SEMA6D: variants seen among roughly 807,000 people sequenced by gnomAD.
SEMA6D encodes the protein semaphorin 6D.
SEMA6D carries 35 observed loss-of-function variants against 106.6 expected under a neutral mutation model. The observed-to-expected ratio is 0.33, with a 90% CI of 0.25 to 0.44. SEMA6D has a LOEUF of 0.44. Among genes scored for constraint, SEMA6D ranks in the 20% least tolerant of loss-of-function variants. The probability of loss-of-function intolerance (pLI) is 1.00; values close to 1 mark genes in which losing one functional copy is unlikely to be tolerated. For synonymous variants in SEMA6D, 499 were observed against 487.7 expected (o/e 1.02, Z -0.31); for missense variants, 1,185 against 1,345.9 (o/e 0.88, Z 1.87).
At chr15:47,730,845 C>T (rs1296516278) in intron 1 of SEMA6D, 19 of 1,362,308 alleles carry the variant, frequency 1.4e-5, no homozygotes, top group Admixed American at 8.4e-5. Flanking sequence ...TTTGCTCAAA[C>T]GGGATTCACC....
At chr15:47,209,153 C>T (rs1387661917) in intron 1 of SEMA6D, among the ~76,000 whole-genome samples, 1 of 152,004 alleles carries the variant, frequency 6.6e-6, no homozygotes, top group African/African-American at 2.4e-5. Flanking sequence ...TAAAATAATA[C>T]ATGGGGAATA....
At chr15:47,402,572 T>C (rs926000153) in intron 1 of SEMA6D, among the ~76,000 whole-genome samples, 10 of 152,174 alleles carry the variant, frequency 6.6e-5, no homozygotes, top group Non-Finnish European at 4.4e-5. Flanking sequence ...TTGGGGCGCT[T>C]TCAGGTTCTC....
rs181992479 is a variant in SEMA6D at position 47,523,894 on chromosome 15, C to T, written c.-87+53349C>T. Among the ~76,000 whole-genome samples, 347 of 152,280 alleles carry T rather than the reference C, an allele frequency of 2.3e-3. 2 individuals carry two copies. Among genetic ancestry groups the T allele is most frequent in the African/African-American group, 8.0e-3 (331 of 41,548 alleles). On this transcript the variant is annotated intron_variant, in intron 3 of 19. Transcript: ENST00000558014. ...CATCATTATGTGGTAACTCAGAACT[C>T]CAGTGGCACATTATCAGAGCTGACT...
chr15:47,247,462 A>G (rs915130085), intron 1 of SEMA6D, among the ~76,000 whole-genome samples: 4 of 152,234 alleles, frequency 2.6e-5, no homozygotes, highest in African/African-American at 9.6e-5. Flanking sequence ...TTAAATGGCA[A>G]TCATGCTCAT....
intron 1 of SEMA6D, among the ~76,000 whole-genome samples, chr15:47,281,744 C>A (rs996969667): frequency 1.3e-5 from 2 of 151,988 alleles, no homozygotes; most frequent in African/African-American, 4.8e-5. Flanking sequence ...CGATGGAAAA[C>A]CAAAATATTC....
intron 1 of SEMA6D, among the ~76,000 whole-genome samples, chr15:47,742,100 C>T (rs1043971974): frequency 6.6e-6 from 1 of 152,112 alleles, no homozygotes; most frequent in Non-Finnish European, 1.5e-5. Flanking sequence ...GCTGGCCACT[C>T]GCAGAGGAAC....
chr15:47,406,413 C>G (rs2040570210), intron 1 of SEMA6D, among the ~76,000 whole-genome samples: 2 of 152,146 alleles, frequency 1.3e-5, no homozygotes, highest in African/African-American at 4.8e-5. Context: ...AATAGCTCTA[C>G]TGAGTAGTGT....
chr15:47,585,034 C>T (rs936654285), intron 3 of SEMA6D, among the ~76,000 whole-genome samples: 1 of 152,174 alleles, frequency 6.6e-6, no homozygotes, highest in African/African-American at 2.4e-5. Context: ...TGTCCATCGT[C>T]TTTCTGCCTA....
chr15:47,486,569 TGAA>T (rs1234087159), intron 3 of SEMA6D, among the ~76,000 whole-genome samples: 6 of 152,200 alleles, frequency 3.9e-5, no homozygotes, highest in Non-Finnish European at 8.8e-5. Flanking sequence ...TGCACTACAA[TGAA>T]GAAAACAGAC....
At chr15:47,216,000 G>A (rs12906867) in intron 1 of SEMA6D, among the ~76,000 whole-genome samples, 56,980 of 151,904 alleles carry the variant, frequency 0.38, 11,061 homozygotes, top group Middle Eastern at 0.51. Flanking sequence ...AAGTATTTAG[G>A]CTAAATTTGT....
chr15:47,529,371 T>C (rs923595394), intron 3 of SEMA6D, among the ~76,000 whole-genome samples: 2 of 152,120 alleles, frequency 1.3e-5, no homozygotes, highest in Non-Finnish European at 1.5e-5. Flanking sequence ...AAAATCTGCA[T>C]ATAAGCATAT....
At chr15:47,197,833 C>T (rs1021108481) in intron 1 of SEMA6D, among the ~76,000 whole-genome samples, 1 of 152,108 alleles carries the variant, frequency 6.6e-6, no homozygotes, top group Non-Finnish European at 1.5e-5. Context: ...ATGGAGTACT[C>T]TAAGTATTAT....
At chr15:47,552,134 AG>A (rs1157253034) in intron 3 of SEMA6D, among the ~76,000 whole-genome samples, 1 of 152,184 alleles carries the variant, frequency 6.6e-6, no homozygotes, top group Non-Finnish European at 1.5e-5. Context: ...GTAGAAGAAT[AG>A]TGCGATGAAC....
At chr15:47,760,158 G>T in intron 2 of SEMA6D, 146 bp from the exon 3 acceptor site, 1 of 651,744 alleles carries the variant, frequency 1.5e-6, no homozygotes, top group Non-Finnish European at 2.7e-6. Flanking sequence ...GACATTCACT[G>T]CCTTTTATTC....
chr15:47,257,249 G>C (rs2142024097), intron 1 of SEMA6D, among the ~76,000 whole-genome samples: 1 of 152,182 alleles, frequency 6.6e-6, no homozygotes, highest in Middle Eastern at 3.4e-3. Context: ...AGTAGAGACA[G>C]GGTTTCACCA....
chr15:47,432,497 TAC>T (rs35181178), intron 2 of SEMA6D, among the ~76,000 whole-genome samples: 79,846 of 150,940 alleles, frequency 0.53, 21,417 homozygotes, highest in South Asian at 0.62. Flanking sequence ...TATATATATA[TAC>T]ACACACACAA....
chr15:47,729,364 A>G (rs1367291911), intron 1 of SEMA6D, among the ~76,000 whole-genome samples: 1 of 152,152 alleles, frequency 6.6e-6, no homozygotes, highest in Non-Finnish European at 1.5e-5. Context: ...CCAATTAACC[A>G]GATTTACAGG....
intron 1 of SEMA6D, chr15:47,730,715 T>C: frequency 5.6e-6 from 9 of 1,606,264 alleles, no homozygotes; most frequent in African/African-American, 1.3e-5. Flanking sequence ...GGAGGCACTT[T>C]CAGCCGCTTA....
At chr15:47,392,039 TAA>T (rs1318971953) in intron 1 of SEMA6D, among the ~76,000 whole-genome samples, 1 of 152,092 alleles carries the variant, frequency 6.6e-6, no homozygotes, top group Admixed American at 6.6e-5. Context: ...TAAAAAACTG[TAA>T]AACTACTGTC....
Sources: allele counts gnomAD v4.1 joint callset (sites outside exome capture counted in the v4.1 genomes callset), GRCh38; gene constraint gnomAD v4.1.1; transcripts MANE v1.5; gene names NCBI Gene and HGNC (gene_info 2026-07-23, HGNC 2026-07-21).